Variants in TMTC2 observed in about 807,000 individuals in gnomAD.
TMTC2 encodes the protein transmembrane O-mannosyltransferase targeting cadherins 2, also known as protein O-mannosyl-transferase TMTC2.
TMTC2 carries 43 observed loss-of-function variants against 82.4 expected under a neutral mutation model. The observed-to-expected ratio is 0.52, with a 90% CI of 0.41 to 0.67. The LOEUF (loss-of-function observed/expected upper bound fraction) is 0.67, where lower values mean the gene tolerates loss of function less well. Among genes scored for constraint, TMTC2 ranks in the 30% least tolerant of loss-of-function variants. The pLI is 0.00. For missense variants in TMTC2, 919 were observed against 1,012.4 expected, an observed-to-expected ratio of 0.91 and a Z score of 1.25; for synonymous variants, 408 against 381.9, an observed-to-expected ratio of 1.07 and a Z score of -0.80.
chr12:82,860,247 C>A (rs1416179525), intron 2 of TMTC2, among the ~76,000 whole-genome samples: 1 of 152,192 alleles, frequency 6.6e-6, no homozygotes, highest in Non-Finnish European at 1.5e-5. Flanking sequence ...GCTGGGATTA[C>A]AGGCGTGAAC....
At chr12:82,859,413 A>T (rs531738118) in intron 2 of TMTC2, among the ~76,000 whole-genome samples, 119 of 152,122 alleles carry the variant, frequency 7.8e-4, no homozygotes, top group Middle Eastern at 3.4e-3. Flanking sequence ...TAAGTTAGGG[A>T]ATTATTTGGC....
At chr12:83,065,333 T>C (rs10778937) in intron 11 of TMTC2, among the ~76,000 whole-genome samples, 69,715 of 151,674 alleles carry the variant, frequency 0.46, 16,619 homozygotes, top group African/African-American at 0.6. Flanking sequence ...ATTTTATATA[T>C]GAAGAATTCC....
At chr12:82,901,713 G>A (rs1874030735) in intron 3 of TMTC2, among the ~76,000 whole-genome samples, 2 of 151,974 alleles carry the variant, frequency 1.3e-5, no homozygotes, top group South Asian at 4.2e-4. Context: ...AGGTGAACAG[G>A]CTTTATTGTG....
intron 4 of TMTC2, among the ~76,000 whole-genome samples, chr12:82,954,606 G>A (rs146155525): frequency 2.0e-5 from 3 of 152,300 alleles, no homozygotes; most frequent in East Asian, 1.9e-4. Flanking sequence ...TTTCCCTTGC[G>A]TGTTGCAGGG....
chr12:82,897,874 T>C (rs1204995836), intron 3 of TMTC2, among the ~76,000 whole-genome samples: 2 of 152,092 alleles, frequency 1.3e-5, no homozygotes, highest in Non-Finnish European at 2.9e-5. Flanking sequence ...TGAACTGGCA[T>C]TTTTCTACTC....
intron 1 of TMTC2, among the ~76,000 whole-genome samples, chr12:82,792,972 A>G (rs769078776): frequency 1.8e-4 from 27 of 152,184 alleles, no homozygotes; most frequent in Non-Finnish European, 3.7e-4. Flanking sequence ...AAAGGAAATT[A>G]ATACATGTTG....
At chr12:82,903,298 T>C (rs1874116167) in intron 3 of TMTC2, among the ~76,000 whole-genome samples, 1 of 152,244 alleles carries the variant, frequency 6.6e-6, no homozygotes, top group Non-Finnish European at 1.5e-5. Context: ...TTAGCACTTA[T>C]CACTATTTGA....
chr12:82,718,137 CA>C (rs2136922336), intron 1 of TMTC2, among the ~76,000 whole-genome samples: 1 of 152,188 alleles, frequency 6.6e-6, no homozygotes, highest in East Asian at 1.9e-4. Flanking sequence ...TTTACACACA[CA>C]AAAATTGCAA....
At chr12:82,923,228 AG>A (rs1273663021) in intron 3 of TMTC2, among the ~76,000 whole-genome samples, 1 of 152,116 alleles carries the variant, frequency 6.6e-6, no homozygotes, top group Non-Finnish European at 1.5e-5. Context: ...TTTTCATTTC[AG>A]GGGGGTTACT....
intron 11 of TMTC2, among the ~76,000 whole-genome samples, chr12:83,091,709 T>C (rs1006723021): frequency 6.6e-6 from 1 of 152,208 alleles, no homozygotes; most frequent in Admixed American, 6.5e-5. Context: ...CTTTTGCACA[T>C]TTTTTAGTGA....
chr12:82,972,592 A>T (rs1385068563), intron 7 of TMTC2, among the ~76,000 whole-genome samples: 2 of 152,178 alleles, frequency 1.3e-5, no homozygotes, highest in Non-Finnish European at 2.9e-5. Context: ...AGCTTGTGTG[A>T]ATTTTAGAAT....
intron 3 of TMTC2, among the ~76,000 whole-genome samples, chr12:82,911,452 T>C (rs1330984282): frequency 6.6e-6 from 1 of 152,028 alleles, no homozygotes. Flanking sequence ...TAAATTTCTT[T>C]GCAGTTTTAA....
At chr12:82,974,029 C>G (rs920408938) in intron 7 of TMTC2, among the ~76,000 whole-genome samples, 10 of 152,196 alleles carry the variant, frequency 6.6e-5, no homozygotes, top group African/African-American at 2.4e-4. Flanking sequence ...TTATATCTTC[C>G]TTATTCTCTG....
chr12:82,735,562 G>C (rs374750209), intron 1 of TMTC2, among the ~76,000 whole-genome samples: 2 of 151,854 alleles, frequency 1.3e-5, no homozygotes, highest in Non-Finnish European at 2.9e-5. Context: ...AGCCAGGATG[G>C]TCTCGATCTC....
At position 82,967,003 on chromosome 12, in the gene TMTC2, T is replaced by A; in HGVS notation, c.1948+6T>A. On this transcript the variant is annotated splice_donor_region_variant and intron_variant, in intron 7 of 11. Coordinates refer to ENST00000321196, the MANE Select transcript of TMTC2 (RefSeq NM_152588.3). Reference sequence around the variant, plus strand: ...GAGCTTGTACAACATGATGGGTAAGTAAAACATTAACACTTTTAAATTGAT... The same window carrying A: ...GAGCTTGTACAACATGATGGGTAAGAAAAACATTAACACTTTTAAATTGAT... 6.2e-7 allele frequency: 1 copy of A among 1,607,886 alleles called. No homozygotes were observed.
At chr12:82,821,307 C>G (rs989386548) in intron 1 of TMTC2, among the ~76,000 whole-genome samples, 1 of 152,168 alleles carries the variant, frequency 6.6e-6, no homozygotes, top group Non-Finnish European at 1.5e-5. Flanking sequence ...TCACAAAAGT[C>G]CTGGCCTAAC....
At chr12:82,965,179 C>T (rs1878136171) in intron 5 of TMTC2, 70 bp downstream of exon 5, 6 of 1,180,338 alleles carry the variant, frequency 5.1e-6, no homozygotes, top group South Asian at 1.3e-5. Flanking sequence ...TAATTTACAG[C>T]CTCACTGAGA....
At chr12:82,838,405 C>G (rs1406754639) in intron 1 of TMTC2, among the ~76,000 whole-genome samples, 2 of 152,136 alleles carry the variant, frequency 1.3e-5, no homozygotes, top group African/African-American at 4.8e-5. Flanking sequence ...GAAAGTTAGG[C>G]TTTTAGTTGA....
chr12:82,795,433 C>G (rs952387422), intron 1 of TMTC2, among the ~76,000 whole-genome samples: 2 of 151,734 alleles, frequency 1.3e-5, no homozygotes, highest in African/African-American at 4.8e-5. Context: ...CTGTATTTAA[C>G]CTAGTATTTG....
Sources: allele counts gnomAD v4.1 joint callset (sites outside exome capture counted in the v4.1 genomes callset), GRCh38; gene constraint gnomAD v4.1.1; transcripts MANE v1.5; gene names NCBI Gene and HGNC (gene_info 2026-07-23, HGNC 2026-07-21).